The following MEMO1 variants were observed in gnomAD, a reference collection of about 807,000 sequenced individuals.
The protein encoded by MEMO1 is protein MEMO1.
MEMO1 carries 6 observed loss-of-function variants against 45.2 expected under a neutral mutation model. The ratio of observed to expected loss-of-function variants is 0.13; its 90% CI spans 0.07 to 0.26. MEMO1 has a LOEUF of 0.26. Ranked by LOEUF, MEMO1 falls within the 10% of genes least tolerant of loss-of-function variation. MEMO1 has a pLI of 1.00. For synonymous variants in MEMO1, 78 were observed against 124.3 expected (o/e 0.63, Z 2.48); for missense variants, 184 against 370.5 (o/e 0.50, Z 4.13).
At chr2:31,937,813 G>C (rs541112707) in intron 3 of MEMO1, among the ~76,000 whole-genome samples, 1 of 152,218 alleles carries the variant, frequency 6.6e-6, no homozygotes, top group East Asian at 1.9e-4. Flanking sequence ...AAAAATTCAT[G>C]TTAACCAATT....
intron 2 of MEMO1, among the ~76,000 whole-genome samples, chr2:31,949,545 A>C (rs1302469404): frequency 6.6e-6 from 1 of 151,974 alleles, no homozygotes; most frequent in African/African-American, 2.4e-5. Context: ...GATCTAAAAA[A>C]AAACAATGGA....
At chr2:31,934,422 A>C (rs866389531) in intron 3 of MEMO1, among the ~76,000 whole-genome samples, 2 of 152,020 alleles carry the variant, frequency 1.3e-5, no homozygotes, top group Middle Eastern at 3.4e-3. Context: ...GATTCTTCCC[A>C]TAACTGCCCT....
At chr2:31,915,734 C>T (rs1447781315) in intron 6 of MEMO1, among the ~76,000 whole-genome samples, 1 of 152,160 alleles carries the variant, frequency 6.6e-6, no homozygotes, top group Non-Finnish European at 1.5e-5. Context: ...ATCTGAGATA[C>T]TGTAGCCCCA....
intron 2 of MEMO1, among the ~76,000 whole-genome samples, chr2:31,987,431 G>T (rs370519564): frequency 5.3e-5 from 8 of 152,282 alleles, no homozygotes; most frequent in African/African-American, 1.9e-4. Flanking sequence ...AATCATTAAT[G>T]ATTTTAACTA....
chr2:31,902,800 G>A (rs1307311669), intron 6 of MEMO1, among the ~76,000 whole-genome samples: 1 of 151,774 alleles, frequency 6.6e-6, no homozygotes, highest in Non-Finnish European at 1.5e-5. Context: ...CACCCAGGCT[G>A]GAGTGCATTG....
Position 32,003,141 on chromosome 2 carries a change from C to T in MEMO1, c.61+7046G>A, listed in dbSNP as rs183832271. 9.6e-4 allele frequency among the ~76,000 whole-genome samples: 146 copies of T among 152,102 alleles called. 1 individual carries two copies. The highest frequency in any genetic ancestry group is 3.5e-3 in the African/African-American group (144 of 41,488). ...ATCTTTTTTTAATCCAATCAAACTT[C>T]CAGCAAACATTTTATACTCCTAAAC... On this transcript the variant is annotated intron_variant, in intron 2 of 9. Transcript: ENST00000404530.
chr2:32,008,169 CT>C (rs1469661213), intron 2 of MEMO1, among the ~76,000 whole-genome samples: 1 of 152,140 alleles, frequency 6.6e-6, no homozygotes, highest in Non-Finnish European at 1.5e-5. Context: ...CCAAAGAAGT[CT>C]TTCCAAATCC....
At chr2:31,881,202 A>T (rs1429506194) in intron 8 of MEMO1, among the ~76,000 whole-genome samples, 1 of 152,024 alleles carries the variant, frequency 6.6e-6, no homozygotes, top group East Asian at 1.9e-4. Context: ...TTTTAAGAAA[A>T]ATCCAGGCCA....
intron 6 of MEMO1, among the ~76,000 whole-genome samples, chr2:31,902,001 T>C (rs1558489276): frequency 6.6e-6 from 1 of 152,108 alleles, no homozygotes; most frequent in African/African-American, 2.4e-5. Context: ...GACCTGGTGC[T>C]GTAGCAGATG....
intron 8 of MEMO1, among the ~76,000 whole-genome samples, chr2:31,873,566 A>C (rs529775667): frequency 6.6e-6 from 1 of 152,302 alleles, no homozygotes; most frequent in South Asian, 2.1e-4. Context: ...TATTTAATAA[A>C]ATGACAATCT....
chr2:31,947,725 C>T (rs943765063), intron 2 of MEMO1, among the ~76,000 whole-genome samples: 4 of 152,158 alleles, frequency 2.6e-5, no homozygotes, highest in Non-Finnish European at 5.9e-5. Flanking sequence ...GTAGGAAATA[C>T]AGTAACACTT....
At chr2:31,885,505 C>A (rs991494197) in intron 7 of MEMO1, among the ~76,000 whole-genome samples, 1 of 152,168 alleles carries the variant, frequency 6.6e-6, no homozygotes, top group African/African-American at 2.4e-5. Context: ...TTTATCGATT[C>A]AATTCATTTG....
chr2:31,923,069 G>C (rs1344631688), intron 4 of MEMO1, among the ~76,000 whole-genome samples: 2 of 152,000 alleles, frequency 1.3e-5, no homozygotes, highest in African/African-American at 4.8e-5. Flanking sequence ...CACAATGATT[G>C]AATCAATTTA....
At chr2:31,908,443 C>T (rs914945130) in intron 6 of MEMO1, among the ~76,000 whole-genome samples, 2 of 151,036 alleles carry the variant, frequency 1.3e-5, no homozygotes, top group African/African-American at 2.4e-5. Context: ...CTTATCCTGA[C>T]AGGAAAAAAA....
At chr2:31,988,321 C>T (rs989745108) in intron 2 of MEMO1, among the ~76,000 whole-genome samples, 6 of 151,886 alleles carry the variant, frequency 4.0e-5, no homozygotes, top group Non-Finnish European at 5.9e-5. Flanking sequence ...CTGAGGCAGG[C>T]GGATCACTTG....
intron 2 of MEMO1, among the ~76,000 whole-genome samples, chr2:31,970,377 A>G (rs917606491): frequency 5.3e-5 from 8 of 152,188 alleles, no homozygotes; most frequent in Admixed American, 5.2e-4. Flanking sequence ...GTATTAGAAA[A>G]TGTAGCTTGT....
intron 2 of MEMO1, among the ~76,000 whole-genome samples, chr2:32,005,792 G>A (rs1673994618): frequency 6.6e-6 from 1 of 152,136 alleles, no homozygotes; most frequent in African/African-American, 2.4e-5. Context: ...TACTTATTGA[G>A]CATCTACTAT....
chr2:32,010,758 G>T (rs1402097231), intron 1 of MEMO1, among the ~76,000 whole-genome samples, 184 bp downstream of exon 1: 8 of 140,230 alleles, frequency 5.7e-5, no homozygotes, highest in African/African-American at 2.1e-4. Flanking sequence ...CGCCGGCCCC[G>T]CCCCGCTCCT....
chr2:32,001,032 ATTTTTTT>A (rs66617379), intron 2 of MEMO1, among the ~76,000 whole-genome samples: 1 of 104,558 alleles, frequency 9.6e-6, no homozygotes, highest in Non-Finnish European at 1.9e-5. Context: ...ATAAATTTTG[ATTTTTTT>A]TTTTTTTTTT....
Sources: allele counts gnomAD v4.1 joint callset (sites outside exome capture counted in the v4.1 genomes callset), GRCh38; gene constraint gnomAD v4.1.1; transcripts MANE v1.5; gene names NCBI Gene and HGNC (gene_info 2026-07-23, HGNC 2026-07-21).